FNDC3B: variants seen among roughly 807,000 people sequenced by gnomAD.
FNDC3B encodes fibronectin type III domain containing 3B.
In FNDC3B, 12 loss-of-function variants were observed where a neutral mutation model predicts 151.5. The observed-to-expected ratio is 0.08, with a 90% CI of 0.05 to 0.13. The LOEUF is 0.13. FNDC3B is among the 10% of genes least tolerant of loss of function. The pLI is 1.00. For synonymous variants in FNDC3B, 528 were observed against 549.0 expected (o/e 0.96, Z 0.54); for missense variants, 1,214 against 1,505.3 (o/e 0.81, Z 3.20).
At chr3:172,301,179 G>C (rs1241129641) in intron 9 of FNDC3B, among the ~76,000 whole-genome samples, 4 of 152,154 alleles carry the variant, frequency 2.6e-5, no homozygotes, top group Non-Finnish European at 1.5e-5. Flanking sequence ...GCAAATATAT[G>C]TGCAAATCTA....
At chr3:172,393,645 T>C (rs1357872887) in intron 25 of FNDC3B, among the ~76,000 whole-genome samples, 1 of 152,204 alleles carries the variant, frequency 6.6e-6, no homozygotes, top group African/African-American at 2.4e-5. Flanking sequence ...TCAAGTATCT[T>C]TTCAGACCAC....
chr3:172,278,700 G>A lies in FNDC3B; in HGVS notation c.791-7226G>A, dbSNP rs192182880. On this transcript the variant is annotated intron_variant, in intron 6 of 25. Coordinates refer to ENST00000415807, the MANE Select transcript of FNDC3B (RefSeq NM_022763.4). ...CCAGCACTTTGGGAGGCCGAGATGG[G>A]TGGATCACTTGAGGTCAGGAGTTTG... Among the ~76,000 whole-genome samples, 1,427 of 152,302 alleles carry A rather than the reference G, an allele frequency of 9.4e-3. 19 individuals are homozygous for A. Among genetic ancestry groups the A allele is most frequent in the African/African-American group, 0.032 (1,339 of 41,558 alleles).
intron 8 of FNDC3B, among the ~76,000 whole-genome samples, chr3:172,297,272 G>A (rs1730662220): frequency 6.6e-6 from 1 of 152,118 alleles, no homozygotes; most frequent in African/African-American, 2.4e-5. Flanking sequence ...GGCAAGGTCT[G>A]GACACAGCTT....
At chr3:172,185,429 G>A (rs1724119876) in intron 3 of FNDC3B, among the ~76,000 whole-genome samples, 1 of 146,234 alleles carries the variant, frequency 6.8e-6, no homozygotes, top group African/African-American at 2.6e-5. Flanking sequence ...AAAATTGCAT[G>A]CACTATAAAC....
chr3:172,307,547 C>G, intron 10 of FNDC3B, 46 bp downstream of exon 10: 2 of 1,605,366 alleles, frequency 1.2e-6, no homozygotes, highest in Non-Finnish European at 1.7e-6. Flanking sequence ...TAAAAATTAG[C>G]CAGGTGTGGT....
chr3:172,182,720 G>A (rs561221091), intron 3 of FNDC3B, among the ~76,000 whole-genome samples: 19 of 152,098 alleles, frequency 1.2e-4, no homozygotes, highest in Admixed American at 1.2e-3. Flanking sequence ...TTTTCGTGTC[G>A]ACAGAAGTAA....
intron 6 of FNDC3B, among the ~76,000 whole-genome samples, chr3:172,254,963 G>A (rs933939600): frequency 1.3e-5 from 2 of 152,152 alleles, no homozygotes; most frequent in African/African-American, 4.8e-5. Context: ...AAATACCCTT[G>A]CTTTAGTTCT....
At chr3:172,080,691 G>A (rs1457941945) in intron 1 of FNDC3B, among the ~76,000 whole-genome samples, 1 of 152,114 alleles carries the variant, frequency 6.6e-6, no homozygotes, top group East Asian at 1.9e-4. Context: ...TCTGGTGGTG[G>A]TAGACTGATG....
At chr3:172,083,432 T>C (rs572006280) in intron 1 of FNDC3B, among the ~76,000 whole-genome samples, 1 of 152,342 alleles carries the variant, frequency 6.6e-6, no homozygotes, top group South Asian at 2.1e-4. Context: ...GAACTTGCTC[T>C]TTGTTCCAAG....
intron 3 of FNDC3B, among the ~76,000 whole-genome samples, chr3:172,196,102 A>T (rs1305360722): frequency 6.6e-6 from 1 of 152,216 alleles, no homozygotes; most frequent in Non-Finnish European, 1.5e-5. Context: ...TTGGCATTTG[A>T]TGAAGCCACC....
chr3:172,344,075 T>G lies in FNDC3B; in HGVS notation c.2078-11T>G, dbSNP rs765634644. 76 of 1,601,698 alleles carry G rather than the reference T, an allele frequency of 4.7e-5. No homozygotes were observed. The East Asian group carries it at 1.6e-3, about 33-fold the overall frequency. ...AAGTGTTCTAAGATGAAAAAAATTCTTCATTCCCAGATGTTCCTGCATCGG... is the reference window on the plus strand; with the variant it reads ...AAGTGTTCTAAGATGAAAAAAATTCGTCATTCCCAGATGTTCCTGCATCGG... On this transcript the variant is annotated splice_polypyrimidine_tract_variant and intron_variant, in intron 18 of 25. Transcript: ENST00000415807.
intron 23 of FNDC3B, among the ~76,000 whole-genome samples, chr3:172,368,342 T>G (rs951181316): frequency 6.6e-6 from 1 of 151,652 alleles, no homozygotes; most frequent in African/African-American, 2.4e-5. Context: ...AGCGTATGCC[T>G]ATTATAGAAC....
At chr3:172,179,432 A>C (rs1347857211) in intron 3 of FNDC3B, among the ~76,000 whole-genome samples, 1 of 152,214 alleles carries the variant, frequency 6.6e-6, no homozygotes, top group African/African-American at 2.4e-5. Context: ...AAACATTCAT[A>C]TTAAAAGCAA....
intron 6 of FNDC3B, among the ~76,000 whole-genome samples, chr3:172,281,198 C>T (rs1415235158): frequency 6.9e-6 from 1 of 143,920 alleles, no homozygotes; most frequent in Non-Finnish European, 1.5e-5. Context: ...TACAAGAGTG[C>T]CTTATTATTA....
intron 6 of FNDC3B, among the ~76,000 whole-genome samples, chr3:172,267,113 T>A (rs1157003448): frequency 6.6e-6 from 1 of 152,066 alleles, no homozygotes; most frequent in Non-Finnish European, 1.5e-5. Flanking sequence ...CAGAGCTACC[T>A]CCTCTCTTTA....
At chr3:172,317,944 G>A (rs1219752525) in intron 11 of FNDC3B, among the ~76,000 whole-genome samples, 2 of 152,218 alleles carry the variant, frequency 1.3e-5, no homozygotes, top group African/African-American at 4.8e-5. Flanking sequence ...TTGTGGGAAT[G>A]TGACTACTGG....
At chr3:172,196,661 G>A (rs905291364) in intron 3 of FNDC3B, among the ~76,000 whole-genome samples, 1 of 152,010 alleles carries the variant, frequency 6.6e-6, no homozygotes, top group South Asian at 2.1e-4. Flanking sequence ...TTGGTGAAAG[G>A]TTCCCTTCTG....
chr3:172,226,915 C>T lies in FNDC3B; in HGVS notation c.232C>T (p.Pro78Ser). The T allele has an allele frequency of 1.2e-6, 2 of 1,612,940 alleles. No individual in the cohort carries two copies. Among genetic ancestry groups the T allele is most frequent in the Non-Finnish European group, 1.7e-6 (2 of 1,178,862 alleles). ...PMMSPNGSIPPIHVPPGYISQ... is the reference protein window; with the variant it reads ...PMMSPNGSIPSIHVPPGYISQ... ...GATGTCACCCAATGGATCCATTCCT[C>T]CCATTCATGTGCCTCCAGGTTATAT... The change falls in exon 4 of 26, where the codon CCC becomes TCC. Residue 78 changes from proline (P) to serine (S), a missense_variant. Transcript: ENST00000415807.
chr3:172,079,755 A>G (rs897297229), intron 1 of FNDC3B, among the ~76,000 whole-genome samples: 1 of 152,190 alleles, frequency 6.6e-6, no homozygotes, highest in Non-Finnish European at 1.5e-5. Flanking sequence ...GCTTCTCCTC[A>G]TTTTACAAGT....
Sources: gnomAD v4.1 joint callset for allele counts (sites outside exome capture counted in the v4.1 genomes callset) on GRCh38, gnomAD v4.1.1 for gene constraint, MANE v1.5 for transcripts, NCBI Gene and HGNC (gene_info 2026-07-23, HGNC 2026-07-21) for gene names.